The following CADPS variants were observed in gnomAD, a reference collection of about 807,000 sequenced individuals.
CADPS encodes calcium-dependent secretion activator 1.
A neutral mutation model predicts 167.3 loss-of-function variants in CADPS; 57 were observed. That is an observed-to-expected ratio of 0.34 (90% confidence interval 0.28 to 0.42). The LOEUF (loss-of-function observed/expected upper bound fraction) is 0.42, where lower values mean the gene tolerates loss of function less well. Among genes scored for constraint, CADPS ranks in the 20% least tolerant of loss-of-function variants. CADPS has a pLI of 1.00. For missense variants in CADPS, 1,414 were observed against 1,738.1 expected (o/e 0.81, Z 3.32); for synonymous variants, 676 against 635.3 (o/e 1.06, Z -0.96).
intron 17 of CADPS, 33 bp from the exon 18 acceptor site, chr3:62,499,301 G>T: frequency 7.2e-7 from 1 of 1,394,264 alleles, no homozygotes; most frequent in Non-Finnish European, 1.0e-6. Flanking sequence ...AAAATTCAGC[G>T]AAAGTGGCAG....
intron 6 of CADPS, among the ~76,000 whole-genome samples, chr3:62,594,126 T>TTTTATTTTTTTTA (rs1266788330): frequency 6.6e-5 from 10 of 150,392 alleles, no homozygotes; most frequent in African/African-American, 1.9e-4. Context: ...TTATGATTTT[T>TTTTATTTTTTTTA]TTTATTTTTT....
intron 3 of CADPS, among the ~76,000 whole-genome samples, chr3:62,714,132 A>G (rs1201111681): frequency 1.3e-5 from 2 of 152,276 alleles, no homozygotes; most frequent in African/African-American, 4.8e-5. Flanking sequence ...AAACTCTTAA[A>G]TGCAGGTAAT....
At chr3:62,641,762 A>C (rs2067463665) in intron 6 of CADPS, among the ~76,000 whole-genome samples, 1 of 152,210 alleles carries the variant, frequency 6.6e-6, no homozygotes, top group South Asian at 2.1e-4. Flanking sequence ...GAGAGGATAT[A>C]GTCTGCTTGG....
rs1234447945 is a variant in CADPS at position 62,808,193 on chromosome 3, G to A, written c.442-42209C>T. 4.0e-5 allele frequency among the ~76,000 whole-genome samples: 6 copies of A among 151,842 alleles called. 1 individual carries two copies. The South Asian group carries it at 6.2e-4, about 16-fold the overall frequency. On this transcript the variant is annotated intron_variant, in intron 1 of 29. Coordinates refer to ENST00000383710, the MANE Select transcript of CADPS (RefSeq NM_003716.4). ...CAGCCTCAATTTGATATTTCTAAAC[G>A]CTGAATGTTTCTAAATGGAATGAAA...
chr3:62,518,315 T>G, intron 13 of CADPS, 65 bp from the exon 14 acceptor site: 95 of 1,195,626 alleles, frequency 7.9e-5, no homozygotes, highest in Non-Finnish European at 1.1e-4. Flanking sequence ...ATCAAATCTC[T>G]AGCAGGAGGA....
intron 3 of CADPS, among the ~76,000 whole-genome samples, chr3:62,712,899 C>A (rs918666628): frequency 3.9e-5 from 6 of 152,074 alleles, no homozygotes; most frequent in African/African-American, 1.4e-4. Flanking sequence ...GAGGAACAGG[C>A]CAGAAAGGTT....
intron 6 of CADPS, chr3:62,626,311 T>A (rs1033077324): frequency 4.4e-6 from 2 of 450,280 alleles, no homozygotes; most frequent in Non-Finnish European, 7.7e-6. Context: ...TCCATCTTTC[T>A]CATTCACGTC....
At chr3:62,721,053 G>A (rs762196754) in intron 3 of CADPS, among the ~76,000 whole-genome samples, 1 of 147,902 alleles carries the variant, frequency 6.8e-6, no homozygotes, top group Non-Finnish European at 1.5e-5. Context: ...TCCTGACCTC[G>A]TGATCTGCCT....
intron 28 of CADPS, among the ~76,000 whole-genome samples, chr3:62,417,848 C>CAA (rs11425155): frequency 2.1e-5 from 3 of 140,434 alleles, no homozygotes; most frequent in African/African-American, 5.0e-5. Flanking sequence ...AACAAACAAA[C>CAA]AAAAAAAAAC....
chr3:62,713,629 C>A (rs1281008873), intron 3 of CADPS, among the ~76,000 whole-genome samples: 1 of 152,228 alleles, frequency 6.6e-6, no homozygotes, highest in Admixed American at 6.5e-5. Flanking sequence ...CTGTACCCTG[C>A]CGCTTCCATT....
intron 1 of CADPS, among the ~76,000 whole-genome samples, chr3:62,776,468 C>T (rs1464591943): frequency 6.6e-6 from 1 of 152,152 alleles, no homozygotes; most frequent in Non-Finnish European, 1.5e-5. Context: ...TCCTGGCTAA[C>T]ACGGTGAAAC....
chr3:62,710,756 G>C (rs2083243763), intron 3 of CADPS, among the ~76,000 whole-genome samples: 1 of 152,062 alleles, frequency 6.6e-6, no homozygotes, highest in Non-Finnish European at 1.5e-5. Context: ...TTGTCTTTGG[G>C]CAATTTCTTC....
At position 62,549,943 on chromosome 3, in the gene CADPS, T is replaced by G; in HGVS notation, c.1926A>C (p.Gly642=). 1 of 1,614,112 alleles carries G rather than the reference T, an allele frequency of 6.2e-7. No homozygotes were observed. The highest frequency in any genetic ancestry group is 8.5e-7 in the Non-Finnish European group (1 of 1,179,966). Residue 642 remains glycine, a synonymous_variant, in exon 11 of 30, where the codon GGA becomes GGC. Coordinates refer to ENST00000383710, the MANE Select transcript of CADPS (RefSeq NM_003716.4). The part of the protein sequence containing the change: ...PTQVQKLNAK[G]GNVPQLDAPI... Reference sequence around the variant, plus strand: ...GGGCATCCAGCTGAGGTACATTTCCTCCCTTGGCGTTGAGTTTCTGGACTT... The same window carrying G: ...GGGCATCCAGCTGAGGTACATTTCCGCCCTTGGCGTTGAGTTTCTGGACTT...
intron 1 of CADPS, among the ~76,000 whole-genome samples, chr3:62,816,344 C>T (rs1033357171): frequency 6.6e-6 from 1 of 152,084 alleles, no homozygotes; most frequent in Admixed American, 6.6e-5. Flanking sequence ...TCACTCACCA[C>T]CCCCACTGAT....
At chr3:62,533,168 C>T (rs74802385) in intron 12 of CADPS, 110 bp from the exon 13 acceptor site, 19,869 of 888,026 alleles carry the variant, frequency 0.022, 358 homozygotes, top group Admixed American at 0.069. Flanking sequence ...CCAGAGCTAA[C>T]ACTCCTTGAT....
chr3:62,807,592 C>T (rs758947950), intron 1 of CADPS, among the ~76,000 whole-genome samples: 9 of 151,878 alleles, frequency 5.9e-5, no homozygotes, highest in Non-Finnish European at 1.2e-4. Flanking sequence ...CTATCCAACA[C>T]GATAAACTCA....
intron 7 of CADPS, among the ~76,000 whole-genome samples, chr3:62,591,505 G>T (rs1479117286): frequency 6.6e-6 from 1 of 152,116 alleles, no homozygotes; most frequent in African/African-American, 2.4e-5. Flanking sequence ...TTATATGAGG[G>T]ATTGAAATTT....
chr3:62,809,980 A>C (rs1254607530), intron 1 of CADPS, among the ~76,000 whole-genome samples: 7 of 152,146 alleles, frequency 4.6e-5, no homozygotes, highest in Admixed American at 4.6e-4. Flanking sequence ...ATAATCTTTG[A>C]ATACCAGGAT....
rs11353455 is a variant in CADPS, at chr3:62,417,276, C to CTTTTTTTTTTTTTTTTTTTTTTTTTT, written c.3778-14117_3778-14092dup. On this transcript the variant is annotated intron_variant, in intron 28 of 29. Coordinates refer to ENST00000383710, the MANE Select transcript of CADPS (RefSeq NM_003716.4). ...ACACAATAACTATTTTTCTTTTACT[C>CTTTTTTTTTTTTTTTTTTTTTTTTTT]TTTTTTTTTTTTTTTTTTTTTTTTT... Among the ~76,000 whole-genome samples, 8 of 64,044 alleles carry CTTTTTTTTTTTTTTTTTTTTTTTTTT rather than the reference C, an allele frequency of 1.2e-4. 4 individuals are homozygous for CTTTTTTTTTTTTTTTTTTTTTTTTTT. Among genetic ancestry groups the CTTTTTTTTTTTTTTTTTTTTTTTTTT allele is most frequent in the South Asian group, 1.5e-3 (2 of 1,328 alleles). 42.0% of individuals were successfully genotyped at this position (64,044 alleles called of 152,430 possible). A position where few individuals can be genotyped will look rare whatever the true frequency, so the allele number is the denominator to read the frequency against.
Sources: gnomAD v4.1 joint callset for allele counts (sites outside exome capture counted in the v4.1 genomes callset) on GRCh38, gnomAD v4.1.1 for gene constraint, MANE v1.5 for transcripts, NCBI Gene and HGNC (gene_info 2026-07-23, HGNC 2026-07-21) for gene names.